The following RUNX3 variants were observed in gnomAD, a reference collection of about 807,000 sequenced individuals.
RUNX3 encodes the protein runt-related transcription factor 3.
A neutral mutation model predicts 27.7 loss-of-function variants in RUNX3; 10 were observed. The ratio of observed to expected loss-of-function variants is 0.36; its 90% confidence interval spans 0.22 to 0.61. The LOEUF is 0.61. Ranked by LOEUF, RUNX3 falls within the 20% of genes least tolerant of loss-of-function variation. The pLI, the probability that RUNX3 is intolerant of heterozygous loss-of-function variation, is 0.72. For missense variants in RUNX3, 469 were observed against 629.5 expected (o/e 0.75, Z 2.73); for synonymous variants, 270 against 269.2 (o/e 1.00, Z -0.03).
upstream of RUNX3, among the ~76,000 whole-genome samples, chr1:24,933,663 G>C (rs1641283129): frequency 2.0e-5 from 3 of 152,188 alleles, no homozygotes; most frequent in Non-Finnish European, 4.4e-5. Context: ...AGGGCGGCCA[G>C]AGCTGGGTCT....
At chr1:24,949,206 G>T (rs1641694020) in intron 2 of RUNX3, among the ~76,000 whole-genome samples, 2 of 151,992 alleles carry the variant, frequency 1.3e-5, no homozygotes, top group Non-Finnish European at 2.9e-5. Context: ...AGCCTGAGAG[G>T]GAGGTACTGT....
At chr1:24,934,489 G>T (rs1641301172), upstream of RUNX3, among the ~76,000 whole-genome samples, 1 of 152,204 alleles carries the variant, frequency 6.6e-6, no homozygotes, top group South Asian at 2.1e-4. Context: ...CTTTTGCCTG[G>T]TGTCCACGCT....
intron 3 of RUNX3, among the ~76,000 whole-genome samples, chr1:24,909,087 G>A (rs560728567): frequency 1.3e-5 from 2 of 152,224 alleles, no homozygotes; most frequent in East Asian, 1.9e-4. Context: ...CCTCACATCC[G>A]AGGACTCAGA....
intron 2 of RUNX3, among the ~76,000 whole-genome samples, chr1:24,946,948 G>A (rs1454511432): frequency 1.3e-5 from 2 of 152,196 alleles, no homozygotes; most frequent in South Asian, 2.1e-4. Context: ...TATGGTCTAA[G>A]GCCCAGATGC....
intron 4 of RUNX3, among the ~76,000 whole-genome samples, chr1:24,906,336 A>G (rs774667001): frequency 3.3e-4 from 51 of 152,328 alleles, no homozygotes; most frequent in Middle Eastern, 3.4e-3. Context: ...CAATTCATTC[A>G]TCTGCCAAGG....
At chr1:24,921,364 C>T (rs1001574131) in intron 2 of RUNX3, among the ~76,000 whole-genome samples, 1 of 152,104 alleles carries the variant, frequency 6.6e-6, no homozygotes, top group Non-Finnish European at 1.5e-5. Flanking sequence ...CTCTGAGACA[C>T]CAGGGGGAAT....
intron 2 of RUNX3, among the ~76,000 whole-genome samples, chr1:24,938,595 G>C (rs964937751): frequency 6.6e-6 from 1 of 152,186 alleles, no homozygotes; most frequent in Non-Finnish European, 1.5e-5. Flanking sequence ...TCCTTGGCAG[G>C]CAATAAAGTT....
chr1:24,912,219 GCA>G (rs1234051348), intron 3 of RUNX3, among the ~76,000 whole-genome samples: 13 of 152,332 alleles, frequency 8.5e-5, no homozygotes, highest in Admixed American at 6.5e-4. Flanking sequence ...TTTCCCCTCT[GCA>G]CAGTCTGCTC....
At chr1:24,928,079 G>A (rs933239787) in intron 1 of RUNX3, among the ~76,000 whole-genome samples, 1 of 152,216 alleles carries the variant, frequency 6.6e-6, no homozygotes, top group Non-Finnish European at 1.5e-5. Context: ...CGGCTGCAGC[G>A]AAAGAGGAAT....
chr1:24,938,521 G>A (rs536444317), intron 2 of RUNX3, among the ~76,000 whole-genome samples: 7 of 152,248 alleles, frequency 4.6e-5, no homozygotes, highest in South Asian at 2.1e-4. Context: ...TTGTCCCGCC[G>A]CCTTTAGCCC....
At position 24,927,735 on chromosome 1, in the gene RUNX3, A is replaced by T; in HGVS notation, c.283-5T>A. 1 of 1,613,764 alleles carries T rather than the reference A, an allele frequency of 6.2e-7. No homozygotes were observed. Among genetic ancestry groups the T allele is most frequent in the African/African-American group, 1.3e-5 (1 of 75,014 alleles). On this transcript the variant is annotated splice_polypyrimidine_tract_variant and splice_region_variant and intron_variant, in intron 1 of 4. Transcript: ENST00000308873. This position sits in a 1 kb window ranked among gnomAD's most constrained non-coding sequence, Gnocchi z 5.0. ...CACGTCCCCCAATGCCACCACCTGA[A>T]GACACGGGGCGGGGGGATGCAGGGG...
rs533522091 is a variant in RUNX3 at position 24,929,152 on chromosome 1, T to C, written c.282+435A>G. 738 of 466,254 alleles carry C rather than the reference T, an allele frequency of 1.6e-3. 7 individuals are homozygous for C. The highest frequency in any genetic ancestry group is 0.01 in the Middle Eastern group (32 of 3,116). 28.9% of individuals were successfully genotyped at this position (466,254 alleles called of 1,614,324 possible). ...CCCGAGGGTGTGAGCAGGAAGCTTTTGCGAAGCGGCGCGGGAGGAGGGGTG... is the reference window on the plus strand; with the variant it reads ...CCCGAGGGTGTGAGCAGGAAGCTTTCGCGAAGCGGCGCGGGAGGAGGGGTG... On this transcript the variant is annotated intron_variant, in intron 1 of 4. Coordinates refer to ENST00000308873, the MANE Select transcript of RUNX3 (RefSeq NM_004350.3).
At position 24,902,377 on chromosome 1, in the gene RUNX3, G is replaced by C. The variant is rs1249011202; in HGVS notation, c.993C>G (p.His331Gln). Residue 331 changes from histidine to glutamine, a missense_variant, in exon 5 of 5, where the codon CAC becomes CAG. This residue lies in a region of RUNX3 where 279 missense variants were observed against 343.0 expected (regional missense o/e 0.81). Coordinates refer to ENST00000308873, the MANE Select transcript of RUNX3 (RefSeq NM_004350.3). This position sits in a 1 kb window ranked among gnomAD's most constrained non-coding sequence, Gnocchi z 9.2. ...GPFQANPSPY[H>Q]LYYGTSSGSY... ...AGCCAGAGGATGTCCCGTAGTAGAG[G>C]TGGTAGGGGGACGGGTTGGCCTGGA... 1 of 1,612,494 alleles carries C rather than the reference G, an allele frequency of 6.2e-7. No homozygotes were observed. The highest frequency in any genetic ancestry group is 1.3e-5 in the African/African-American group (1 of 74,934).
At chr1:24,905,889 G>A (rs1385828941) in intron 4 of RUNX3, among the ~76,000 whole-genome samples, 3 of 152,224 alleles carry the variant, frequency 2.0e-5, no homozygotes, top group East Asian at 1.9e-4. Context: ...GGCTCCTTCC[G>A]CTACCTCTTG....
At chr1:24,950,281 C>T (rs1641724276) in intron 2 of RUNX3, among the ~76,000 whole-genome samples, 1 of 152,162 alleles carries the variant, frequency 6.6e-6, no homozygotes, top group East Asian at 1.9e-4. Context: ...AGTGCAGACC[C>T]TCACAGATGC....
intron 2 of RUNX3, among the ~76,000 whole-genome samples, chr1:24,922,665 T>C (rs148613928): frequency 1.3e-3 from 195 of 152,268 alleles, no homozygotes; most frequent in African/African-American, 4.6e-3. Context: ...TATTTTGCTA[T>C]GTTTTAATAG....
At chr1:24,961,677 G>C (rs945375709) in intron 2 of RUNX3, 1 of 152,224 alleles carries the variant, frequency 6.6e-6, no homozygotes, top group Non-Finnish European at 1.5e-5. Flanking sequence ...CCAAACCCTA[G>C]AGATTCTGAT....
chr1:24,963,566 A>G (rs1290852150), intron 2 of RUNX3, among the ~76,000 whole-genome samples: 2 of 152,080 alleles, frequency 1.3e-5, no homozygotes, highest in African/African-American at 2.4e-5. Flanking sequence ...GGGCACAGAG[A>G]GGTTAAGTAA....
Position 24,938,460 on chromosome 1 carries a change from C to G in RUNX3, c.59-8608G>C, listed in dbSNP as rs143072208. ...GGCTCCTGTCAGCTGGCCCGGTTGC[C>G]TCTGCACAAACTTTCGGAGGATCTG... On this transcript the variant is annotated intron_variant, in intron 2 of 6. Transcript: ENST00000338888. 9.5e-4 allele frequency among the ~76,000 whole-genome samples: 144 copies of G among 152,336 alleles called. 1 individual carries two copies. Among genetic ancestry groups the G allele is most frequent in the African/African-American group, 3.3e-3 (139 of 41,564 alleles).
Sources: gnomAD v4.1 joint callset for allele counts (sites outside exome capture counted in the v4.1 genomes callset) on GRCh38, gnomAD v4.1.1 for gene constraint, gnomAD v4.1.1 regional missense constraint, Gnocchi (gnomAD v3.1) non-coding constraint, MANE v1.5 for transcripts, NCBI Gene and HGNC (gene_info 2026-07-23, HGNC 2026-07-21) for gene names.